Variants in GLB1 observed in about 807,000 individuals in gnomAD.
GLB1 encodes beta-galactosidase.
In GLB1, 56 loss-of-function variants were observed where a neutral mutation model predicts 74.0. The observed-to-expected ratio is 0.76, with a 90% CI of 0.61 to 0.94. GLB1 has a LOEUF of 0.94. GLB1 is among the 40% of genes least tolerant of loss of function. The pLI is 0.00. For synonymous variants in GLB1, 323 were observed against 323.6 expected (o/e 1.00, Z 0.02); for missense variants, 787 against 845.5 (o/e 0.93, Z 0.86).
intron 7 of GLB1, 147 bp from the exon 8 acceptor site, chr3:33,052,151 C>T (rs985199605): frequency 2.3e-5 from 32 of 1,363,524 alleles, no homozygotes; most frequent in African/African-American, 2.9e-5. Context: ...CCCCAGTGAG[C>T]ACTTCCAATA....
intron 10 of GLB1, among the ~76,000 whole-genome samples, chr3:33,040,433 T>C (rs112168798): frequency 0.015 from 2,185 of 150,488 alleles, 55 homozygotes; most frequent in African/African-American, 0.05. Flanking sequence ...AGTGAGACCC[T>C]GGCTCTACAA....
the GLB1 span, among the ~76,000 whole-genome samples, chr3:32,983,697 G>A: frequency 1.3e-5 from 2 of 151,974 alleles, no homozygotes; most frequent in South Asian, 4.2e-4. Flanking sequence ...TATTGTTTTT[G>A]AGATAGGGTC....
chr3:33,072,886 G>C (rs1328158129), intron 1 of GLB1, among the ~76,000 whole-genome samples, 173 bp from the exon 2 acceptor site: 5 of 152,086 alleles, frequency 3.3e-5, no homozygotes, highest in Non-Finnish European at 7.4e-5. Context: ...GGTCCACCAG[G>C]GGTACTCAGG....
At chr3:33,071,534 C>T (rs186083772) in intron 2 of GLB1, among the ~76,000 whole-genome samples, 149 of 152,308 alleles carry the variant, frequency 9.8e-4, no homozygotes, top group Middle Eastern at 3.4e-3. Context: ...CAAAGCCAAA[C>T]TGGGTTTCAG....
At chr3:33,024,414 G>A in intron 10 of GLB1, 89 bp from the exon 11 acceptor site, 1 of 1,402,174 alleles carries the variant, frequency 7.1e-7, no homozygotes, top group Non-Finnish European at 9.7e-7. Context: ...TTGAAAGCAA[G>A]GTCAAAGACT....
intron 10 of GLB1, among the ~76,000 whole-genome samples, chr3:33,032,982 T>C (rs1698114399): frequency 6.6e-6 from 1 of 152,252 alleles, no homozygotes; most frequent in Non-Finnish European, 1.5e-5. Context: ...TACAGGTTGC[T>C]ATAGGCATTT....
chr3:33,032,388 T>C (rs1468973662), intron 10 of GLB1, among the ~76,000 whole-genome samples: 2 of 152,146 alleles, frequency 1.3e-5, no homozygotes, highest in Non-Finnish European at 2.9e-5. Context: ...AAGCCCAGAA[T>C]TGAACTTGCT....
At chr3:32,993,741 G>T (rs1696263028), downstream of GLB1, among the ~76,000 whole-genome samples, 1 of 151,750 alleles carries the variant, frequency 6.6e-6, no homozygotes, top group Non-Finnish European at 1.5e-5. Context: ...TCACCATGTT[G>T]GCCAGGCTGG....
At chr3:33,039,905 A>C (rs1195000902) in intron 10 of GLB1, among the ~76,000 whole-genome samples, 1 of 152,234 alleles carries the variant, frequency 6.6e-6, no homozygotes, top group Non-Finnish European at 1.5e-5. Context: ...ATCAAAGGAA[A>C]ACCAGTGACA....
At chr3:32,975,423 T>C in the GLB1 span, among the ~76,000 whole-genome samples, 1 of 152,074 alleles carries the variant, frequency 6.6e-6, no homozygotes, top group South Asian at 2.1e-4. Context: ...CAATGAGGCA[T>C]CTTCCCATTA....
Position 33,021,643 on chromosome 3 carries a change from C to T in GLB1, c.1156G>A (p.Gly386Arg), listed in dbSNP as rs1205671641. ...GGACACAGAATGTCCAGAGCTGCTC[C>T]CACTGTCTTTAACTGAAAAGAAACA... is the stretch of plus-strand genomic sequence containing the variant. ...KVTLEKLKTV[G>R]AALDILCPSG... Residue 386 changes from glycine to arginine, a missense_variant, in exon 12 of 16, where the codon GGA becomes AGA. Coordinates refer to ENST00000307363, the MANE Select transcript of GLB1 (RefSeq NM_000404.4). 6.2e-7 allele frequency: 1 copy of T among 1,613,868 alleles called. No homozygotes were observed.
chr3:32,985,684 T>C, the GLB1 span, among the ~76,000 whole-genome samples: 6 of 151,980 alleles, frequency 3.9e-5, no homozygotes, highest in African/African-American at 1.5e-4. Flanking sequence ...AAATTGGAAT[T>C]CTATCACTTT....
the GLB1 span, among the ~76,000 whole-genome samples, chr3:32,961,379 A>AG: frequency 6.6e-6 from 1 of 152,246 alleles, no homozygotes; most frequent in Admixed American, 6.5e-5. Context: ...GACAGACGTC[A>AG]GCAACACGCC....
chr3:33,031,293 A>G (rs987535993), intron 10 of GLB1, among the ~76,000 whole-genome samples: 7 of 152,134 alleles, frequency 4.6e-5, no homozygotes, highest in Non-Finnish European at 1.0e-4. Flanking sequence ...ATGCAAGCAA[A>G]TATTTTGAAG....
chr3:33,037,433 T>C (rs62253978), intron 10 of GLB1, among the ~76,000 whole-genome samples: 15,090 of 152,206 alleles, frequency 0.099, 920 homozygotes, highest in Non-Finnish European at 0.14. Flanking sequence ...CAAATCTGTT[T>C]AGAAAATAAA....
the GLB1 span, among the ~76,000 whole-genome samples, chr3:32,978,749 T>TTTTC: frequency 7.3e-6 from 1 of 136,864 alleles, no homozygotes; most frequent in South Asian, 2.5e-4. Context: ...GTTTTCTTTT[T>TTTTC]TTTCTTTCTT....
chr3:32,997,868 A>G (rs1696380872), intron 15 of GLB1, among the ~76,000 whole-genome samples: 1 of 152,248 alleles, frequency 6.6e-6, no homozygotes, highest in African/African-American at 2.4e-5. Flanking sequence ...CAGGGAACAG[A>G]GGACTCCAGG....
At chr3:32,980,025 A>G in the GLB1 span, among the ~76,000 whole-genome samples, 2 of 152,192 alleles carry the variant, frequency 1.3e-5, no homozygotes, top group African/African-American at 4.8e-5. Flanking sequence ...AATCAGTATA[A>G]TTAGCATATC....
At chr3:33,055,710 G>A (rs1303938236) in intron 6 of GLB1, among the ~76,000 whole-genome samples, 5 of 150,480 alleles carry the variant, frequency 3.3e-5, no homozygotes, top group South Asian at 2.1e-4. Flanking sequence ...CTCATGATCC[G>A]CCTGCCTTGG....
Sources: allele counts gnomAD v4.1 joint callset (sites outside exome capture counted in the v4.1 genomes callset), GRCh38; gene constraint gnomAD v4.1.1; transcripts MANE v1.5; gene names NCBI Gene and HGNC (gene_info 2026-07-23, HGNC 2026-07-21).